The following CELF4 variants were observed in gnomAD, a reference collection of about 807,000 sequenced individuals.
CELF4 encodes CUG-BP- and ETR-3-like factor 4.
Under a neutral mutation model 59.9 loss-of-function variants are expected in CELF4, and 18 were observed. The ratio of observed to expected loss-of-function variants is 0.30; its 90% CI spans 0.21 to 0.45. The LOEUF is 0.45. Ranked by LOEUF, CELF4 falls within the 20% of genes least tolerant of loss-of-function variation. The pLI, the probability that CELF4 is intolerant of heterozygous loss-of-function variation, is 1.00. For missense variants in CELF4, 456 were observed against 689.0 expected, an observed-to-expected ratio of 0.66 and a Z score of 3.79; for synonymous variants, 261 against 267.1, an observed-to-expected ratio of 0.98 and a Z score of 0.22.
chr18:37,439,663 C>A (rs2099705861), intron 2 of CELF4, among the ~76,000 whole-genome samples: 1 of 152,106 alleles, frequency 6.6e-6, no homozygotes, highest in Admixed American at 6.5e-5. Context: ...GGAAGCTCTC[C>A]CCCACCAGCT....
intron 2 of CELF4, among the ~76,000 whole-genome samples, chr18:37,473,106 A>G (rs995997083): frequency 1.2e-4 from 19 of 152,280 alleles, no homozygotes; most frequent in African/African-American, 4.6e-4. Context: ...AGTAGAGGGC[A>G]GCACAGGCCA....
chr18:37,535,364 T>C (rs945162989), intron 1 of CELF4, among the ~76,000 whole-genome samples: 1 of 152,234 alleles, frequency 6.6e-6, no homozygotes, highest in African/African-American at 2.4e-5. Flanking sequence ...CTGAATTCAT[T>C]GTACGGAACA....
chr18:37,349,862 T>C (rs1327152083), intron 2 of CELF4, among the ~76,000 whole-genome samples: 4 of 151,744 alleles, frequency 2.6e-5, no homozygotes, highest in African/African-American at 7.3e-5. Context: ...CTGTGGTAAG[T>C]GGAGTGAAAG....
intron 2 of CELF4, among the ~76,000 whole-genome samples, chr18:37,375,990 T>G (rs1219323822): frequency 1.3e-5 from 2 of 152,202 alleles, no homozygotes; most frequent in African/African-American, 4.8e-5. Context: ...CAAATTATCC[T>G]AACGATGTGA....
At chr18:37,248,958 G>A (rs767956223) in intron 12 of CELF4, among the ~76,000 whole-genome samples, 29 of 151,890 alleles carry the variant, frequency 1.9e-4, no homozygotes, top group Non-Finnish European at 3.1e-4. Flanking sequence ...CTGCAGGGAG[G>A]GAGGGAGGGA....
intron 2 of CELF4, among the ~76,000 whole-genome samples, chr18:37,344,957 C>T (rs545321735): frequency 1.6e-4 from 25 of 152,274 alleles, no homozygotes; most frequent in South Asian, 4.1e-4. Context: ...ATGCCTGTAG[C>T]CCCCAGTTCT....
chr18:37,557,758 T>C (rs1246511434), intron 1 of CELF4, among the ~76,000 whole-genome samples: 2 of 152,210 alleles, frequency 1.3e-5, no homozygotes, highest in African/African-American at 4.8e-5. Flanking sequence ...TTTTTGGCTG[T>C]TCTGTCCCCA....
intron 2 of CELF4, among the ~76,000 whole-genome samples, chr18:37,465,374 G>A (rs1052775114): frequency 9.9e-5 from 15 of 152,096 alleles, no homozygotes; most frequent in African/African-American, 2.9e-4. Context: ...GACACAACAC[G>A]CATTAGCTTA....
intron 3 of CELF4, 79 bp from the exon 4 acceptor site, chr18:37,275,322 C>T: frequency 8.4e-7 from 1 of 1,191,460 alleles, no homozygotes. Flanking sequence ...AGGGGGAGAG[C>T]GGCAGGGAAA....
intron 1 of CELF4, among the ~76,000 whole-genome samples, chr18:37,499,914 G>A (rs778843851): frequency 2.6e-5 from 4 of 152,156 alleles, no homozygotes; most frequent in Non-Finnish European, 4.4e-5. Context: ...GGAAGTACAC[G>A]TCCCTCTTTT....
chr18:37,363,949 G>T (rs943053350), intron 2 of CELF4, among the ~76,000 whole-genome samples: 2 of 152,208 alleles, frequency 1.3e-5, no homozygotes, highest in Non-Finnish European at 2.9e-5. Flanking sequence ...GGACTGACAG[G>T]TGGGGACCAC....
intron 1 of CELF4, among the ~76,000 whole-genome samples, chr18:37,559,305 T>C (rs527599271): frequency 6.6e-6 from 1 of 152,222 alleles, no homozygotes; most frequent in South Asian, 2.1e-4. Flanking sequence ...TGTGTGTGTG[T>C]ATGCACACAC....
intron 2 of CELF4, among the ~76,000 whole-genome samples, chr18:37,372,681 T>C (rs2098915451): frequency 6.6e-6 from 1 of 152,148 alleles, no homozygotes; most frequent in Non-Finnish European, 1.5e-5. Context: ...ATATTTTCAA[T>C]GGAAACAACC....
chr18:37,261,223 G>T (rs1427415268), intron 10 of CELF4, among the ~76,000 whole-genome samples: 1 of 151,466 alleles, frequency 6.6e-6, no homozygotes, highest in Admixed American at 6.6e-5. Flanking sequence ...GTGTCCTCCT[G>T]CCCAGCCCCC....
chr18:37,536,339 C>T (rs749087057), intron 1 of CELF4, among the ~76,000 whole-genome samples: 34 of 152,090 alleles, frequency 2.2e-4, no homozygotes, highest in Non-Finnish European at 3.4e-4. Context: ...GGTGTTAGGG[C>T]GAATGGTGCA....
intron 2 of CELF4, among the ~76,000 whole-genome samples, chr18:37,471,299 C>A (rs569007028): frequency 3.7e-4 from 56 of 152,244 alleles, no homozygotes; most frequent in African/African-American, 1.3e-3. Flanking sequence ...CTGGCACAGG[C>A]CTTCACCATC....
At chr18:37,310,748 C>T (rs748647280) in intron 3 of CELF4, among the ~76,000 whole-genome samples, 5 of 151,938 alleles carry the variant, frequency 3.3e-5, no homozygotes, top group Non-Finnish European at 5.9e-5. Flanking sequence ...GGATACATCA[C>T]GTTCAGGGCT....
chr18:37,402,722 C>T (rs2099345468), intron 2 of CELF4, among the ~76,000 whole-genome samples: 1 of 152,112 alleles, frequency 6.6e-6, no homozygotes, highest in Admixed American at 6.5e-5. Context: ...ATCTTTCTCC[C>T]CCCATAACAG....
chr18:37,350,794 C>G (rs983706579), intron 2 of CELF4, among the ~76,000 whole-genome samples: 3 of 152,208 alleles, frequency 2.0e-5, no homozygotes, highest in Non-Finnish European at 4.4e-5. Context: ...ACTTAAGACC[C>G]CAGGATTCTG....
Sources: gnomAD v4.1 joint callset for allele counts (sites outside exome capture counted in the v4.1 genomes callset) on GRCh38, gnomAD v4.1.1 for gene constraint, MANE v1.5 for transcripts, NCBI Gene and HGNC (gene_info 2026-07-23, HGNC 2026-07-21) for gene names.